The following C11orf65 variants were observed in gnomAD, a reference collection of about 807,000 sequenced individuals.
C11orf65 encodes chromosome 11 open reading frame 65.
Under a neutral mutation model 35.3 loss-of-function variants are expected in C11orf65, and 38 were observed. The ratio of observed to expected loss-of-function variants is 1.08; its 90% CI spans 0.83 to 1.41. C11orf65 has a LOEUF of 1.41. C11orf65 is among the 40% of genes most tolerant of loss of function. The pLI, the probability that C11orf65 is intolerant of heterozygous loss-of-function variation, is 0.00. For missense variants in C11orf65, 370 were observed against 367.1 expected, an observed-to-expected ratio of 1.01 and a Z score of -0.06; for synonymous variants, 105 against 114.4, an observed-to-expected ratio of 0.92 and a Z score of 0.53.
intron 2 of C11orf65, among the ~76,000 whole-genome samples, chr11:108,371,639 T>A (rs2091579495): frequency 6.6e-6 from 1 of 152,228 alleles, no homozygotes; most frequent in African/African-American, 2.4e-5. Flanking sequence ...TATCCATTCA[T>A]CCATCAGTGG....
chr11:108,310,878 T>C (rs2084099133), intron 6 of C11orf65, among the ~76,000 whole-genome samples: 1 of 152,172 alleles, frequency 6.6e-6, no homozygotes, highest in Non-Finnish European at 1.5e-5. Context: ...CTAATAAATA[T>C]ACTCCTAGAT....
At chr11:108,370,768 T>A (rs1427264837) in intron 2 of C11orf65, among the ~76,000 whole-genome samples, 3 of 152,218 alleles carry the variant, frequency 2.0e-5, no homozygotes, top group Non-Finnish European at 2.9e-5. Context: ...AATCTGTTAA[T>A]GTAGTGAACT....
At position 108,317,373 on chromosome 11, in the gene C11orf65, G is replaced by T. The variant is rs1555114549; in HGVS notation, c.641-8302C>A. 1 of 1,610,232 alleles carries T rather than the reference G, an allele frequency of 6.2e-7. No individual in the cohort carries two copies. The highest frequency in any genetic ancestry group is 1.1e-5 in the South Asian group (1 of 91,002). ...TAAAAACAAAATAACTCCTGTTTAG[G>T]CCTTGCAGAATTTGGGACTCTGCCA... On this transcript the variant is annotated intron_variant, in intron 6 of 6. Transcript: ENST00000525729.
intron 1 of C11orf65, among the ~76,000 whole-genome samples, chr11:108,463,373 A>T (rs2093495114): frequency 6.6e-6 from 1 of 152,182 alleles, no homozygotes; most frequent in Non-Finnish European, 1.5e-5. Context: ...CTTAAAACTA[A>T]AGGTGTTTTC....
chr11:108,444,985 G>A (rs1011040263), intron 2 of C11orf65, among the ~76,000 whole-genome samples: 2 of 152,174 alleles, frequency 1.3e-5, no homozygotes, highest in African/African-American at 2.4e-5. Flanking sequence ...AGGGTCCTAC[G>A]CCCACGGAGT....
chr11:108,407,361 G>C (rs1448883625), intron 3 of C11orf65, among the ~76,000 whole-genome samples: 1 of 152,064 alleles, frequency 6.6e-6, no homozygotes, highest in South Asian at 2.1e-4. Flanking sequence ...GCCCAGGCTG[G>C]AGTGCGGTGG....
chr11:108,363,171 T>G (rs1304660586), intron 2 of C11orf65, among the ~76,000 whole-genome samples: 3 of 152,134 alleles, frequency 2.0e-5, no homozygotes, highest in Non-Finnish European at 4.4e-5. Context: ...GGAGGGTGCT[T>G]CTCAATTAGC....
At chr11:108,323,384 C>G (rs1053372634) in intron 6 of C11orf65, among the ~76,000 whole-genome samples, 1 of 151,882 alleles carries the variant, frequency 6.6e-6, no homozygotes. Flanking sequence ...ATGGTAGTAA[C>G]CAGAGGCAGG....
At chr11:108,350,638 G>A (rs7103368) in intron 2 of C11orf65, among the ~76,000 whole-genome samples, 1,675 of 152,282 alleles carry the variant, frequency 0.011, 37 homozygotes, top group African/African-American at 0.038. Flanking sequence ...AACATTCAGC[G>A]AATGTGAGAG....
At chr11:108,354,613 A>G (rs1297606565) in intron 2 of C11orf65, among the ~76,000 whole-genome samples, 1 of 152,256 alleles carries the variant, frequency 6.6e-6, no homozygotes, top group Non-Finnish European at 1.5e-5. Context: ...AGCTTGTGAA[A>G]TAGTCAAATA....
At chr11:108,409,226 A>G (rs189919436) in intron 3 of C11orf65, among the ~76,000 whole-genome samples, 3 of 152,178 alleles carry the variant, frequency 2.0e-5, no homozygotes, top group Non-Finnish European at 4.4e-5. Flanking sequence ...AATAGAATAT[A>G]TGACAATTTA....
chr11:108,325,294 A>ATG (rs780211007), intron 6 of C11orf65: 2 of 1,200,580 alleles, frequency 1.7e-6, no homozygotes, highest in Non-Finnish European at 2.4e-6. Flanking sequence ...CATGAACTCT[A>ATG]TGTCGTGGCA....
intron 2 of C11orf65, among the ~76,000 whole-genome samples, chr11:108,448,674 T>C (rs1024222709): frequency 2.6e-5 from 4 of 152,142 alleles, no homozygotes; most frequent in African/African-American, 9.7e-5. Flanking sequence ...CCACAGCCAA[T>C]ATCATACTGA....
intron 2 of C11orf65, among the ~76,000 whole-genome samples, chr11:108,351,890 T>C (rs1431439076): frequency 6.6e-6 from 1 of 152,200 alleles, no homozygotes; most frequent in Non-Finnish European, 1.5e-5. Flanking sequence ...TTTTTCTGAC[T>C]CACTCCTTGG....
At chr11:108,464,225 C>T (rs995094694) in intron 1 of C11orf65, among the ~76,000 whole-genome samples, 5 of 152,038 alleles carry the variant, frequency 3.3e-5, no homozygotes, top group African/African-American at 9.7e-5. Context: ...TTGCGCTCAG[C>T]GGCAACAATT....
intron 2 of C11orf65, among the ~76,000 whole-genome samples, chr11:108,457,598 G>A (rs1297701064): frequency 6.6e-6 from 1 of 152,094 alleles, no homozygotes. Flanking sequence ...AGCCGAGATT[G>A]CACCACTGCA....
intron 3 of C11orf65, among the ~76,000 whole-genome samples, chr11:108,423,538 C>T (rs2092852440): frequency 1.3e-5 from 2 of 152,172 alleles, no homozygotes; most frequent in African/African-American, 2.4e-5. Flanking sequence ...GCAGATCTCC[C>T]AGCACAGTGC....
intron 2 of C11orf65, chr11:108,367,405 G>A (rs1396491506): frequency 5.1e-6 from 1 of 197,780 alleles, no homozygotes; most frequent in Non-Finnish European, 1.0e-5. Flanking sequence ...GGAAGGGAAG[G>A]GCTTAGGTAT....
At chr11:108,446,419 C>A (rs1382450011) in intron 2 of C11orf65, among the ~76,000 whole-genome samples, 7 of 151,668 alleles carry the variant, frequency 4.6e-5, no homozygotes, top group African/African-American at 1.5e-4. Flanking sequence ...GCCCATCAGA[C>A]TAACAGCGGA....
Sources: gnomAD v4.1 joint callset for allele counts (sites outside exome capture counted in the v4.1 genomes callset) on GRCh38, gnomAD v4.1.1 for gene constraint, MANE v1.5 for transcripts, NCBI Gene and HGNC (gene_info 2026-07-23, HGNC 2026-07-21) for gene names.